Variants in SWAP70 observed in about 807,000 individuals in gnomAD.
SWAP70 encodes the protein switch-associated protein 70.
A neutral mutation model predicts 80.2 loss-of-function variants in SWAP70; 34 were observed. That is an observed-to-expected ratio of 0.42 (90% CI 0.32 to 0.56). The LOEUF is 0.56. Ranked by LOEUF, SWAP70 falls within the 20% of genes least tolerant of loss-of-function variation. The pLI is 0.09. For synonymous variants in SWAP70, 239 were observed against 238.5 expected (o/e 1.00, Z -0.02); for missense variants, 578 against 690.7 (o/e 0.84, Z 1.83).
chr11:9,714,868 A>C (rs554888415), intron 3 of SWAP70, among the ~76,000 whole-genome samples: 2 of 146,780 alleles, frequency 1.4e-5, no homozygotes, highest in African/African-American at 2.6e-5. Flanking sequence ...GCTGTAGTGC[A>C]ATGGCGCAAT....
At chr11:9,664,862 G>A (rs1850289919) in intron 1 of SWAP70, among the ~76,000 whole-genome samples, 1 of 152,160 alleles carries the variant, frequency 6.6e-6, no homozygotes, top group South Asian at 2.1e-4. Context: ...AAGACCTTCC[G>A]CCCAGCGTCT....
At chr11:9,725,552 TATATATATATATATATA>T (rs1564829457) in intron 4 of SWAP70, among the ~76,000 whole-genome samples, 121 of 10,160 alleles carry the variant, frequency 0.012, 1 homozygote, top group Middle Eastern at 0.031. Context: ...TATATATATA[TATATATATATATATATA>T]TTTTTTTTTT....
At chr11:9,745,234 G>A (rs1406300338) in intron 9 of SWAP70, among the ~76,000 whole-genome samples, 1 of 152,210 alleles carries the variant, frequency 6.6e-6, no homozygotes, top group Non-Finnish European at 1.5e-5. Flanking sequence ...TTGAGAGAAT[G>A]GCCAACTTTA....
chr11:9,750,075 C>A lies in SWAP70; in HGVS notation c.*105C>A. The A allele has an allele frequency of 1.4e-6, 1 of 738,232 alleles. No individual in the cohort carries two copies. Among genetic ancestry groups the A allele is most frequent in the Non-Finnish European group, 2.2e-6 (1 of 454,060 alleles). 45.7% of individuals were successfully genotyped at this position (738,232 alleles called of 1,614,324 possible). A position where few individuals can be genotyped will look rare whatever the true frequency, so the allele number is the denominator to read the frequency against. On this transcript the variant is annotated 3_prime_UTR_variant, in exon 12 of 12. Coordinates refer to ENST00000318950, the MANE Select transcript of SWAP70 (RefSeq NM_015055.4). ...TTTGGGGGCCGGGCGTGGTGGCTCA[C>A]GCCTGTAATCCCAGCACTTTGGGAG...
Position 9,705,041 on chromosome 11 carries a change from G to T in SWAP70, c.241-8425G>T, listed in dbSNP as rs370152790. 4.7e-5 allele frequency among the ~76,000 whole-genome samples: 6 copies of T among 128,988 alleles called. 1 individual carries two copies. The highest frequency in any genetic ancestry group is 2.3e-4 in the African/African-American group (6 of 26,172). 84.6% of individuals were successfully genotyped at this position (128,988 alleles called of 152,430 possible). On this transcript the variant is annotated intron_variant, in intron 2 of 11. Coordinates refer to ENST00000318950, the MANE Select transcript of SWAP70 (RefSeq NM_015055.4). ...CACTGGTGATCTGTATACACTTGGT[G>T]ATCTGTATACACTGGTGATCTGTAT...
chr11:9,723,743 T>A (rs1412316717), intron 3 of SWAP70, among the ~76,000 whole-genome samples: 2 of 151,946 alleles, frequency 1.3e-5, no homozygotes, highest in Non-Finnish European at 2.9e-5. Flanking sequence ...TTGTTTTGTT[T>A]AACTGCTGTT....
chr11:9,722,496 G>A lies in SWAP70; in HGVS notation c.415-2162G>A, dbSNP rs115799530. On this transcript the variant is annotated intron_variant, in intron 3 of 11. Coordinates refer to ENST00000318950, the MANE Select transcript of SWAP70 (RefSeq NM_015055.4). ...TAGTGTGCAAATGGAAGTACTAGGG[G>A]TTTTAATTAAAATACAGATTCTGAT... is the stretch of plus-strand genomic sequence containing the variant. Among the ~76,000 whole-genome samples, 920 of 152,316 alleles carry A rather than the reference G, an allele frequency of 6.0e-3. 7 individuals carry two copies. Among genetic ancestry groups the A allele is most frequent in the African/African-American group, 0.021 (870 of 41,576 alleles).
chr11:9,726,146 A>C (rs12283640), intron 4 of SWAP70, among the ~76,000 whole-genome samples: 1 of 152,110 alleles, frequency 6.6e-6, no homozygotes, highest in African/African-American at 2.4e-5. Flanking sequence ...TATTTTTATA[A>C]AATCAGAAAA....
At chr11:9,693,084 T>G (rs546216494) in intron 1 of SWAP70, among the ~76,000 whole-genome samples, 1 of 152,318 alleles carries the variant, frequency 6.6e-6, no homozygotes, top group African/African-American at 2.4e-5. Context: ...AAAAAGGGAC[T>G]CGCTTAATGC....
intron 9 of SWAP70, chr11:9,742,067 C>G (rs1398481157): frequency 6.6e-6 from 1 of 151,510 alleles, no homozygotes; most frequent in African/African-American, 2.4e-5. Context: ...GAATGAGACC[C>G]TGTCTCAAAA....
At chr11:9,700,409 A>G (rs1850816151) in intron 2 of SWAP70, among the ~76,000 whole-genome samples, 1 of 152,202 alleles carries the variant, frequency 6.6e-6, no homozygotes, top group South Asian at 2.1e-4. Context: ...TGGTTGAAAA[A>G]AGAAATGCCA....
chr11:9,729,122 A>G (rs1851262672), intron 5 of SWAP70, among the ~76,000 whole-genome samples: 1 of 152,196 alleles, frequency 6.6e-6, no homozygotes, highest in African/African-American at 2.4e-5. Context: ...ATGGCATCCT[A>G]TCAGGTGTTT....
chr11:9,697,375 C>T (rs566394055), intron 2 of SWAP70, among the ~76,000 whole-genome samples: 2 of 151,896 alleles, frequency 1.3e-5, no homozygotes, highest in Admixed American at 1.3e-4. Context: ...CTCTGTCTCC[C>T]AGGCTCAAGC....
At chr11:9,678,127 T>G (rs1159805583) in intron 1 of SWAP70, among the ~76,000 whole-genome samples, 1 of 152,222 alleles carries the variant, frequency 6.6e-6, no homozygotes, top group East Asian at 1.9e-4. Flanking sequence ...TTGGCATGTA[T>G]AGTATTCCCT....
chr11:9,679,289 C>T (rs1448079539), intron 1 of SWAP70, among the ~76,000 whole-genome samples: 1 of 152,132 alleles, frequency 6.6e-6, no homozygotes, highest in Non-Finnish European at 1.5e-5. Flanking sequence ...CCAGAAGTGA[C>T]GCTAGTTAGG....
Position 9,726,242 on chromosome 11 carries a change from C to G in SWAP70, c.642+1357C>G, listed in dbSNP as rs1358200090. 5.3e-5 allele frequency among the ~76,000 whole-genome samples: 8 copies of G among 152,136 alleles called. No individual in the cohort carries two copies. The East Asian group carries it at 1.5e-3, about 29-fold the overall frequency. On this transcript the variant is annotated intron_variant, in intron 4 of 11. Coordinates refer to ENST00000318950, the MANE Select transcript of SWAP70 (RefSeq NM_015055.4). ...AGACTGTCCTCTTTTTCTCAGCACCCAGCATAGCAGATGAAGCTCGATGCT... is the reference window on the plus strand; with the variant it reads ...AGACTGTCCTCTTTTTCTCAGCACCGAGCATAGCAGATGAAGCTCGATGCT...
At chr11:9,732,499 A>AT (rs138992149) in intron 6 of SWAP70, 30 bp from the exon 7 acceptor site, 6,312 of 1,340,946 alleles carry the variant, frequency 4.7e-3, no homozygotes, top group Admixed American at 6.8e-3. Flanking sequence ...ATATCTCCCC[A>AT]TTTTTTTTTT....
intron 2 of SWAP70, among the ~76,000 whole-genome samples, chr11:9,710,584 T>C (rs1367448027): frequency 6.6e-6 from 1 of 152,120 alleles, no homozygotes; most frequent in African/African-American, 2.4e-5. Flanking sequence ...TAAAAAGAAA[T>C]GCTTCGCTGA....
At chr11:9,712,958 G>C (rs1554986414) in intron 2 of SWAP70, among the ~76,000 whole-genome samples, 1 of 152,126 alleles carries the variant, frequency 6.6e-6, no homozygotes, top group Non-Finnish European at 1.5e-5. Flanking sequence ...CGGCCTCCCA[G>C]AGTGCTGGGA....
Sources: gnomAD v4.1 joint callset for allele counts (sites outside exome capture counted in the v4.1 genomes callset) on GRCh38, gnomAD v4.1.1 for gene constraint, MANE v1.5 for transcripts, NCBI Gene and HGNC (gene_info 2026-07-23, HGNC 2026-07-21) for gene names.